SMYD3: variants seen among roughly 807,000 people sequenced by gnomAD.
The protein encoded by SMYD3 is SET and MYND domain containing 3.
Under a neutral mutation model 57.7 loss-of-function variants are expected in SMYD3, and 36 were observed. The ratio of observed to expected loss-of-function variants is 0.62; its 90% CI spans 0.48 to 0.82. The LOEUF (loss-of-function observed/expected upper bound fraction) is 0.82, where lower values mean the gene tolerates loss of function less well. Ranked by LOEUF, SMYD3 falls within the 40% of genes least tolerant of loss-of-function variation. SMYD3 has a pLI of 0.00. For missense variants in SMYD3, 515 were observed against 538.8 expected, an observed-to-expected ratio of 0.96 and a Z score of 0.44; for synonymous variants, 211 against 195.0, an observed-to-expected ratio of 1.08 and a Z score of -0.68.
chr1:245,761,822 G>A (rs1005712468), intron 11 of SMYD3, among the ~76,000 whole-genome samples: 1 of 123,106 alleles, frequency 8.1e-6, no homozygotes, highest in Non-Finnish European at 1.6e-5. Context: ...GTCTCACTCT[G>A]TCGCCCAGGC....
intron 10 of SMYD3, among the ~76,000 whole-genome samples, chr1:245,821,932 C>T (rs1558387019): frequency 6.6e-6 from 1 of 151,428 alleles, no homozygotes; most frequent in Non-Finnish European, 1.5e-5. Context: ...AATAGGAACA[C>T]TTTTACACTG....
At chr1:245,833,594 T>C (rs1269569552) in intron 10 of SMYD3, among the ~76,000 whole-genome samples, 1 of 152,252 alleles carries the variant, frequency 6.6e-6, no homozygotes, top group Non-Finnish European at 1.5e-5. Flanking sequence ...GAAGCTAACC[T>C]GATCCCTTAG....
At chr1:246,322,412 GA>G (rs1259074336) in intron 5 of SMYD3, 1 of 151,518 alleles carries the variant, frequency 6.6e-6, no homozygotes, top group East Asian at 1.9e-4. Flanking sequence ...TTTGAAAATG[GA>G]AGTGGAGATT....
At chr1:246,193,755 A>G (rs1329348261) in intron 5 of SMYD3, 2 of 152,234 alleles carry the variant, frequency 1.3e-5, no homozygotes, top group Non-Finnish European at 2.9e-5. Context: ...CTTCCTGTAG[A>G]TCTACAATCA....
intron 10 of SMYD3, among the ~76,000 whole-genome samples, chr1:245,765,847 G>T (rs181384080): frequency 6.6e-6 from 1 of 152,026 alleles, no homozygotes. Context: ...TGTTCCAACT[G>T]CTTTTCATCC....
chr1:246,403,120 CTGGACTACA>C (rs1435890041), intron 1 of SMYD3, among the ~76,000 whole-genome samples: 1 of 152,106 alleles, frequency 6.6e-6, no homozygotes, highest in Non-Finnish European at 1.5e-5. Context: ...AAGGGTGATC[CTGGACTACA>C]TGGCTTTTTT....
At chr1:245,948,275 T>C (rs1004783163) in intron 5 of SMYD3, among the ~76,000 whole-genome samples, 12 of 152,208 alleles carry the variant, frequency 7.9e-5, no homozygotes, top group African/African-American at 2.6e-4. Flanking sequence ...GAATCACAAC[T>C]GGAACAGATC....
At chr1:245,938,148 A>G (rs1336167966) in intron 5 of SMYD3, among the ~76,000 whole-genome samples, 1 of 152,264 alleles carries the variant, frequency 6.6e-6, no homozygotes, top group African/African-American at 2.4e-5. Context: ...TTTGGCAGGC[A>G]AGGGTTTGCC....
intron 1 of SMYD3, among the ~76,000 whole-genome samples, chr1:246,464,528 T>C (rs1456915553): frequency 6.6e-6 from 1 of 152,062 alleles, no homozygotes; most frequent in African/African-American, 2.4e-5. Context: ...AAAAAAGGTA[T>C]ACAAGAAAGA....
intron 11 of SMYD3, among the ~76,000 whole-genome samples, chr1:245,756,452 T>C (rs956008689): frequency 2.0e-5 from 3 of 152,136 alleles, no homozygotes; most frequent in African/African-American, 7.2e-5. Flanking sequence ...GACCATATTC[T>C]TTCTTCTTTC....
chr1:245,898,626 CGG>C (rs1178360000), intron 8 of SMYD3, among the ~76,000 whole-genome samples: 5 of 152,120 alleles, frequency 3.3e-5, no homozygotes, highest in Non-Finnish European at 5.9e-5. Context: ...ATTGAGAGCC[CGG>C]TGAATAATCA....
chr1:246,415,087 C>T (rs1044689197), intron 1 of SMYD3, among the ~76,000 whole-genome samples: 1 of 152,110 alleles, frequency 6.6e-6, no homozygotes, highest in African/African-American at 2.4e-5. Flanking sequence ...CAAAATACTG[C>T]CTTAATTTAA....
chr1:245,894,618 C>A (rs896288347), intron 8 of SMYD3, among the ~76,000 whole-genome samples: 1 of 152,080 alleles, frequency 6.6e-6, no homozygotes, highest in East Asian at 1.9e-4. Flanking sequence ...CAATAAGTGC[C>A]CCCATAAGCT....
chr1:246,279,624 T>C (rs1431076649), intron 5 of SMYD3, among the ~76,000 whole-genome samples: 1 of 152,088 alleles, frequency 6.6e-6, no homozygotes. Flanking sequence ...ACAAAGGCAG[T>C]TATTTAACCT....
At chr1:246,266,882 T>C (rs1249903995) in intron 5 of SMYD3, among the ~76,000 whole-genome samples, 6 of 151,598 alleles carry the variant, frequency 4.0e-5, no homozygotes, top group Non-Finnish European at 7.3e-5. Context: ...CAGAAAAGAA[T>C]ATGATCCCAA....
At chr1:245,780,177 T>C (rs1032838342) in intron 10 of SMYD3, among the ~76,000 whole-genome samples, 7 of 152,220 alleles carry the variant, frequency 4.6e-5, no homozygotes, top group African/African-American at 1.7e-4. Flanking sequence ...CCTCTAGGTG[T>C]GTTCCCATGA....
chr1:245,923,197 AG>A (rs1426091133), intron 7 of SMYD3, among the ~76,000 whole-genome samples: 1 of 152,186 alleles, frequency 6.6e-6, no homozygotes, highest in East Asian at 1.9e-4. Flanking sequence ...AATCTAACTC[AG>A]GGGTTAGAAT....
At chr1:245,880,332 C>T (rs756481988) in intron 8 of SMYD3, among the ~76,000 whole-genome samples, 4 of 152,206 alleles carry the variant, frequency 2.6e-5, no homozygotes, top group Non-Finnish European at 4.4e-5. Flanking sequence ...TAAGATAAGG[C>T]TATCTGGTTA....
At chr1:245,984,604 C>G (rs2058667010) in intron 5 of SMYD3, among the ~76,000 whole-genome samples, 1 of 152,150 alleles carries the variant, frequency 6.6e-6, no homozygotes, top group Admixed American at 6.5e-5. Flanking sequence ...ATTGAGTAAT[C>G]TGAAGTAAGG....
Sources: gnomAD v4.1 joint callset for allele counts (sites outside exome capture counted in the v4.1 genomes callset) on GRCh38, gnomAD v4.1.1 for gene constraint, MANE v1.5 for transcripts, NCBI Gene and HGNC (gene_info 2026-07-23, HGNC 2026-07-21) for gene names.